The following CTNND2 variants were observed in gnomAD, a reference collection of about 807,000 sequenced individuals.
CTNND2 encodes the protein catenin delta 2.
In CTNND2, 22 loss-of-function variants were observed where a neutral mutation model predicts 144.4. The ratio of observed to expected loss-of-function variants is 0.15; its 90% CI spans 0.11 to 0.22. The LOEUF is 0.22. CTNND2 is among the 10% of genes least tolerant of loss of function. CTNND2 has a pLI of 1.00. For missense variants in CTNND2, 1,353 were observed against 1,618.8 expected (o/e 0.84, Z 2.82); for synonymous variants, 751 against 695.6 (o/e 1.08, Z -1.25).
chr5:11,356,575 AC>A (rs1398313748), intron 8 of CTNND2, among the ~76,000 whole-genome samples: 1 of 152,098 alleles, frequency 6.6e-6, no homozygotes. Flanking sequence ...TAAATGTAAA[AC>A]CAGAAACTTT....
intron 1 of CTNND2, among the ~76,000 whole-genome samples, chr5:11,879,169 G>GGA (rs550968139): frequency 1.3e-3 from 199 of 151,976 alleles, no homozygotes; most frequent in African/African-American, 4.7e-3. Context: ...GTCTATGAAA[G>GGA]GAGAGGAAGG....
chr5:11,516,016 G>A (rs1426166078), intron 3 of CTNND2, among the ~76,000 whole-genome samples: 5 of 152,018 alleles, frequency 3.3e-5, no homozygotes, highest in Admixed American at 3.3e-4. Context: ...TGCGTTGGGG[G>A]AGACTGCTTG....
At chr5:11,199,080 C>G (rs1737162883) in intron 11 of CTNND2, among the ~76,000 whole-genome samples, 1 of 152,096 alleles carries the variant, frequency 6.6e-6, no homozygotes, top group Non-Finnish European at 1.5e-5. Flanking sequence ...ACACTAGAAA[C>G]CAGAATATAT....
intron 2 of CTNND2, among the ~76,000 whole-genome samples, chr5:11,728,540 T>C (rs1023462296): frequency 2.6e-5 from 4 of 152,038 alleles, no homozygotes; most frequent in African/African-American, 9.7e-5. Flanking sequence ...TTTTGTACAA[T>C]AAGAAAAACT....
chr5:11,071,730 C>T (rs543969974), intron 16 of CTNND2, among the ~76,000 whole-genome samples: 1 of 152,046 alleles, frequency 6.6e-6, no homozygotes, highest in South Asian at 2.1e-4. Context: ...GGGCAGGAAC[C>T]CCCACAGAGT....
At chr5:11,803,005 C>A (rs1457104148) in intron 1 of CTNND2, among the ~76,000 whole-genome samples, 1 of 152,132 alleles carries the variant, frequency 6.6e-6, no homozygotes, top group East Asian at 1.9e-4. Flanking sequence ...AAGGTAAGTT[C>A]ATGCGAGACC....
chr5:11,232,659 C>T (rs938378080), intron 10 of CTNND2, among the ~76,000 whole-genome samples: 2 of 152,198 alleles, frequency 1.3e-5, no homozygotes, highest in Admixed American at 6.5e-5. Context: ...GTAGAAGAGA[C>T]TTGCCTTGTC....
intron 10 of CTNND2, among the ~76,000 whole-genome samples, chr5:11,209,027 T>G (rs1738346216): frequency 6.6e-6 from 1 of 152,108 alleles, no homozygotes; most frequent in African/African-American, 2.4e-5. Context: ...TGAATAAAAT[T>G]AAAGTACTTT....
chr5:11,766,319 G>A (rs746877810), intron 1 of CTNND2, among the ~76,000 whole-genome samples: 3 of 152,144 alleles, frequency 2.0e-5, no homozygotes, highest in Non-Finnish European at 2.9e-5. Flanking sequence ...ATATGGTTTG[G>A]CTGTGTCCCC....
intron 11 of CTNND2, among the ~76,000 whole-genome samples, chr5:11,168,863 AC>A (rs2149783412): frequency 6.6e-6 from 1 of 151,876 alleles, no homozygotes; most frequent in South Asian, 2.1e-4. Context: ...AAGACAAAAT[AC>A]CCCCACTATC....
chr5:11,686,103 G>A (rs1047578323), intron 2 of CTNND2, among the ~76,000 whole-genome samples: 6 of 152,074 alleles, frequency 3.9e-5, no homozygotes, highest in African/African-American at 1.4e-4. Flanking sequence ...ATACTCAGGA[G>A]GCAGAGGCTG....
At chr5:11,335,157 T>C (rs1753610770) in intron 9 of CTNND2, among the ~76,000 whole-genome samples, 1 of 152,208 alleles carries the variant, frequency 6.6e-6, no homozygotes, top group Non-Finnish European at 1.5e-5. Flanking sequence ...TTCAGTAATT[T>C]AAGTTACTAG....
intron 11 of CTNND2, among the ~76,000 whole-genome samples, chr5:11,192,732 GC>G (rs982607863): frequency 4.6e-5 from 7 of 152,156 alleles, no homozygotes; most frequent in African/African-American, 1.7e-4. Flanking sequence ...AAGCAACACA[GC>G]CCCGGTGACA....
At chr5:11,239,798 C>G (rs1485716253) in intron 9 of CTNND2, among the ~76,000 whole-genome samples, 1 of 152,170 alleles carries the variant, frequency 6.6e-6, no homozygotes, top group Admixed American at 6.5e-5. Flanking sequence ...ACAACTTCCT[C>G]GGGGAATCCC....
In CTNND2 at chr5:11,264,061, T is replaced by G. The variant is rs1745191476; in HGVS notation, c.1629-27238A>C. Among the ~76,000 whole-genome samples, 4 of 152,242 alleles carry G rather than the reference T, an allele frequency of 2.6e-5. No homozygotes were observed. The South Asian group carries it at 8.3e-4, about 32-fold the overall frequency. On this transcript the variant is annotated intron_variant, in intron 9 of 21. Transcript: ENST00000304623. ...AAAACATGTTTTGCTAAGAGCATTC[T>G]GATAAGTCTTTATTCTTAGTTCTGG...
At chr5:10,991,188 TATTTCAGTCAGATATTGGCCATTC>T (rs1381975969) in intron 19 of CTNND2, among the ~76,000 whole-genome samples, 3 of 152,342 alleles carry the variant, frequency 2.0e-5, no homozygotes, top group African/African-American at 7.2e-5. Context: ...GCGGGCCATT[TATTTCAGTCAGATATTGGCCATTC>T]ATTTCTCATC....
Position 11,385,021 on chromosome 5 carries a change from C to A in CTNND2, c.821G>T (p.Gly274Val). The change falls in exon 7 of 22, where the codon GGC becomes GTC. Residue 274 changes from glycine to valine, a missense_variant. Gly to Val is a moderately radical substitution (Grantham distance 109). Around this residue, in one of 4 missense-constraint regions of CTNND2, gnomAD observed 708 missense variants for 706.4 expected, o/e 1.00. Transcript: ENST00000304623. ...GCGCTGCAGCTTGGTGGGCGAACCG[C>A]CCTGGGGCGCGGCCAGCGGGGAGCC... is the stretch of plus-strand genomic sequence containing the variant. ...RGGSPLAAPQ[G>V]GSPTKLQRGG... 8.1e-7 allele frequency: 1 copy of A among 1,236,304 alleles called. No homozygotes were observed. Among genetic ancestry groups the A allele is most frequent in the Non-Finnish European group, 1.0e-6 (1 of 995,482 alleles). The allele number at this position is 1,236,304 out of a possible 1,614,324, so 76.6% of individuals were successfully genotyped here.
chr5:11,682,152 A>C (rs894148861), intron 2 of CTNND2, among the ~76,000 whole-genome samples: 3 of 152,362 alleles, frequency 2.0e-5, no homozygotes, highest in African/African-American at 7.2e-5. Context: ...TCTACAAAGA[A>C]GACATGCATC....
chr5:11,793,637 G>T (rs1231953752), intron 1 of CTNND2, among the ~76,000 whole-genome samples: 1 of 152,162 alleles, frequency 6.6e-6, no homozygotes, highest in African/African-American at 2.4e-5. Flanking sequence ...CTGGAGAGAG[G>T]CCTGGAATAG....
Sources: gnomAD v4.1 joint callset for allele counts (sites outside exome capture counted in the v4.1 genomes callset) on GRCh38, gnomAD v4.1.1 for gene constraint, gnomAD v4.1.1 regional missense constraint, MANE v1.5 for transcripts, NCBI Gene and HGNC (gene_info 2026-07-23, HGNC 2026-07-21) for gene names.